Variants in ASIC2 observed in about 807,000 individuals in gnomAD.
The protein encoded by ASIC2 is acid-sensing ion channel 2.
ASIC2 carries 25 observed loss-of-function variants against 57.3 expected under a neutral mutation model. The ratio of observed to expected loss-of-function variants is 0.44; its 90% CI spans 0.32 to 0.61. ASIC2 has a LOEUF of 0.61. Among genes scored for constraint, ASIC2 ranks in the 20% least tolerant of loss-of-function variants. ASIC2 has a pLI of 0.06. For missense variants in ASIC2, 641 were observed against 738.1 expected (o/e 0.87, Z 1.52); for synonymous variants, 319 against 307.5 (o/e 1.04, Z -0.39).
intron 1 of ASIC2, among the ~76,000 whole-genome samples, chr17:33,635,752 A>G (rs1300067677): frequency 2.0e-5 from 3 of 152,224 alleles, no homozygotes; most frequent in Admixed American, 2.0e-4. Flanking sequence ...AGAACTGACA[A>G]CAGAGGAACT....
chr17:33,631,477 T>C (rs1906167457), intron 1 of ASIC2, among the ~76,000 whole-genome samples: 1 of 151,970 alleles, frequency 6.6e-6, no homozygotes, highest in African/African-American at 2.4e-5. Flanking sequence ...GACCTACCCA[T>C]GTTTGATGTC....
chr17:34,019,660 A>G (rs1007628489), intron 1 of ASIC2, among the ~76,000 whole-genome samples: 7 of 152,238 alleles, frequency 4.6e-5, no homozygotes, highest in Admixed American at 4.6e-4. Context: ...CATTTAATAG[A>G]CTACAGTATA....
rs1039377781 is a variant in ASIC2, at chr17:33,377,067, C to T, written c.556-265000G>A. ...GAAAGTTTTTTTTGGAGGGGGGGAG[C>T]GGAGATGGAGTCATGCTCTGTAACC... On this transcript the variant is annotated intron_variant, in intron 1 of 9. Transcript: ENST00000359872. 3.9e-5 allele frequency among the ~76,000 whole-genome samples: 6 copies of T among 151,948 alleles called. No individual in the cohort carries two copies. The East Asian group carries it at 5.8e-4, about 15-fold the overall frequency.
At chr17:34,150,665 C>G (rs1219323550) in intron 1 of ASIC2, among the ~76,000 whole-genome samples, 2 of 152,000 alleles carry the variant, frequency 1.3e-5, no homozygotes, top group Non-Finnish European at 2.9e-5. Context: ...GAGGAATAAA[C>G]CAAAATGCTG....
intron 1 of ASIC2, among the ~76,000 whole-genome samples, chr17:33,504,218 G>T (rs963714115): frequency 6.6e-5 from 10 of 152,202 alleles, no homozygotes; most frequent in African/African-American, 2.2e-4. Flanking sequence ...GGGCATACTT[G>T]TATGGTACTG....
At chr17:33,809,673 G>A (rs1447528494) in intron 1 of ASIC2, among the ~76,000 whole-genome samples, 2 of 152,192 alleles carry the variant, frequency 1.3e-5, no homozygotes, top group Non-Finnish European at 2.9e-5. Context: ...TCTATGTTGG[G>A]AACCCAGCCC....
intron 1 of ASIC2, among the ~76,000 whole-genome samples, chr17:33,237,372 C>T (rs28533873): frequency 2.0e-5 from 3 of 148,788 alleles, no homozygotes; most frequent in South Asian, 2.1e-4. Context: ...TTTTTTAATA[C>T]GGAGTTGTGC....
chr17:33,144,643 G>T (rs1370668052), intron 1 of ASIC2, among the ~76,000 whole-genome samples: 1 of 152,150 alleles, frequency 6.6e-6, no homozygotes, highest in South Asian at 2.1e-4. Flanking sequence ...TAGGGTGACC[G>T]ATGCATAATT....
At chr17:33,889,751 A>C (rs1378526072) in intron 1 of ASIC2, among the ~76,000 whole-genome samples, 2 of 152,188 alleles carry the variant, frequency 1.3e-5, no homozygotes, top group African/African-American at 4.8e-5. Flanking sequence ...GTGCAGATGC[A>C]AAGAGGCGGG....
intron 1 of ASIC2, among the ~76,000 whole-genome samples, chr17:33,593,844 T>G (rs1456180510): frequency 6.6e-6 from 1 of 152,220 alleles, no homozygotes; most frequent in East Asian, 1.9e-4. Context: ...TGGTTCTTCA[T>G]TTCTCCAAAG....
Position 33,603,370 on chromosome 17 carries a change from C to T in ASIC2, c.556-491303G>A, listed in dbSNP as rs1411701535. On this transcript the variant is annotated intron_variant, in intron 1 of 9. Transcript: ENST00000359872. ...ACACACTGCTTGGAAGGAGCATGATCCCAACACAAAGGCACCATTAACTGC... is the reference window on the plus strand; with the variant it reads ...ACACACTGCTTGGAAGGAGCATGATTCCAACACAAAGGCACCATTAACTGC... 7.9e-5 allele frequency among the ~76,000 whole-genome samples: 12 copies of T among 152,190 alleles called. 1 individual carries two copies. The highest frequency in any genetic ancestry group is 8.8e-5 in the Non-Finnish European group (6 of 68,026).
intron 1 of ASIC2, among the ~76,000 whole-genome samples, chr17:33,890,019 G>A (rs1914925461): frequency 6.6e-6 from 1 of 152,160 alleles, no homozygotes; most frequent in African/African-American, 2.4e-5. Flanking sequence ...ACCCCAGCAT[G>A]GAGCTCCATT....
chr17:33,358,047 T>G (rs985819865), intron 1 of ASIC2, among the ~76,000 whole-genome samples: 39 of 152,224 alleles, frequency 2.6e-4, no homozygotes, highest in African/African-American at 9.4e-4. Context: ...GACAATCATA[T>G]ATTCTGGATC....
chr17:34,048,743 G>A (rs1412620102), intron 1 of ASIC2, among the ~76,000 whole-genome samples: 2 of 152,180 alleles, frequency 1.3e-5, no homozygotes, highest in East Asian at 1.9e-4. Flanking sequence ...GGCGTGCTAT[G>A]TGTGAACACA....
chr17:33,672,427 TAA>T (rs35026243), intron 1 of ASIC2, among the ~76,000 whole-genome samples: 6 of 141,726 alleles, frequency 4.2e-5, no homozygotes, highest in Non-Finnish European at 4.6e-5. Flanking sequence ...ACTCCTTGCT[TAA>T]AAAAAAAAAA....
At chr17:34,099,786 G>GA (rs879847469) in intron 1 of ASIC2, among the ~76,000 whole-genome samples, 8 of 64,830 alleles carry the variant, frequency 1.2e-4, no homozygotes, top group South Asian at 1.1e-3. Context: ...AAGAAAGAAA[G>GA]AAAGAAAGAA....
chr17:34,031,565 AGC>A (rs1907613341), intron 1 of ASIC2, among the ~76,000 whole-genome samples: 5 of 152,246 alleles, frequency 3.3e-5, no homozygotes, highest in African/African-American at 1.2e-4. Flanking sequence ...AACTACTCCA[AGC>A]TACAGGAGGA....
chr17:34,039,657 A>G, intron 1 of ASIC2: 2 of 1,612,798 alleles, frequency 1.2e-6, no homozygotes, highest in Non-Finnish European at 8.5e-7. Flanking sequence ...TCCCTTGGCT[A>G]CTTTCATATG....
Position 33,044,720 on chromosome 17 carries a change from T to C in ASIC2, c.988-16328A>G, listed in dbSNP as rs138632706. Among the ~76,000 whole-genome samples the C allele has an allele frequency of 3.3e-5, 5 of 152,304 alleles. No homozygotes were observed. The East Asian group carries it at 9.7e-4, about 29-fold the overall frequency. On this transcript the variant is annotated intron_variant, in intron 3 of 9. Transcript: ENST00000225823. Reference sequence around the variant, plus strand: ...GAAACACTGCTAGGAATTGAGGCTATGAAGATGAATAAGATATGATTCCTA... The same window carrying C: ...GAAACACTGCTAGGAATTGAGGCTACGAAGATGAATAAGATATGATTCCTA...
Sources: allele counts gnomAD v4.1 joint callset (sites outside exome capture counted in the v4.1 genomes callset), GRCh38; gene constraint gnomAD v4.1.1; transcripts MANE v1.5; gene names NCBI Gene and HGNC (gene_info 2026-07-23, HGNC 2026-07-21).